Variants in GNG12 observed in about 807,000 individuals in gnomAD.
The protein encoded by GNG12 is guanine nucleotide-binding protein G(I)/G(S)/G(O) subunit gamma-12.
For missense variants in GNG12, 69 were observed against 83.8 expected, an observed-to-expected ratio of 0.82 and a Z score of 0.69; for synonymous variants, 28 against 29.7, an observed-to-expected ratio of 0.94 and a Z score of 0.19.
At chr1:67,819,948 C>T (rs2100820320) in intron 1 of GNG12, among the ~76,000 whole-genome samples, 1 of 152,308 alleles carries the variant, frequency 6.6e-6, no homozygotes, top group South Asian at 2.1e-4. Flanking sequence ...CTCTCTGTCT[C>T]AGTCCCCTGC....
rs1647029754 is a variant in GNG12 at position 67,829,316 on chromosome 1, G to A, written c.-77+4028C>T. On this transcript the variant is annotated intron_variant, in intron 1 of 3. Transcript: ENST00000370982. ...TAAAGTCTCTAATAAAAAAGAAAATGGAATTGAGATTTGGAAGAATTAACT... is the reference window on the plus strand; with the variant it reads ...TAAAGTCTCTAATAAAAAAGAAAATAGAATTGAGATTTGGAAGAATTAACT... Among the ~76,000 whole-genome samples, 4 of 152,104 alleles carry A rather than the reference G, an allele frequency of 2.6e-5. No homozygotes were observed. In the South Asian group the frequency reaches 8.3e-4, roughly 32 times the overall value.
At chr1:67,810,816 G>C (rs1646920416) in intron 1 of GNG12, among the ~76,000 whole-genome samples, 1 of 152,158 alleles carries the variant, frequency 6.6e-6, no homozygotes, top group Admixed American at 6.5e-5. Flanking sequence ...AATGATGACT[G>C]ATGAGTTACT....
chr1:67,721,360 C>G (rs886995677), intron 2 of GNG12, among the ~76,000 whole-genome samples: 4 of 152,194 alleles, frequency 2.6e-5, no homozygotes, highest in Non-Finnish European at 5.9e-5. Context: ...CACCAGCCAG[C>G]AGCATGAGCA....
chr1:67,755,911 C>A (rs1477849608), intron 2 of GNG12, among the ~76,000 whole-genome samples: 2 of 151,990 alleles, frequency 1.3e-5, no homozygotes, highest in Non-Finnish European at 2.9e-5. Context: ...CAGCCTTGAT[C>A]CACCAAGATG....
At chr1:67,808,132 A>G (rs1646903697) in intron 1 of GNG12, among the ~76,000 whole-genome samples, 1 of 152,160 alleles carries the variant, frequency 6.6e-6, no homozygotes, top group Non-Finnish European at 1.5e-5. Flanking sequence ...ACCTCAGGGT[A>G]AGTAAGGCTG....
At chr1:67,800,119 C>T (rs1199817191) in intron 1 of GNG12, among the ~76,000 whole-genome samples, 2 of 152,210 alleles carry the variant, frequency 1.3e-5, no homozygotes, top group African/African-American at 4.8e-5. Context: ...ATTAGTCTCT[C>T]TTGCATTGGA....
At chr1:67,777,427 A>T (rs2100763365) in intron 2 of GNG12, 31 bp downstream of exon 2, 2 of 705,796 alleles carry the variant, frequency 2.8e-6, no homozygotes, top group Non-Finnish European at 3.5e-6. Context: ...AAAGTCAAAC[A>T]GTCACTTTGT....
At chr1:67,789,510 T>TAA (rs1646788916) in intron 1 of GNG12, among the ~76,000 whole-genome samples, 1 of 152,204 alleles carries the variant, frequency 6.6e-6, no homozygotes, top group East Asian at 1.9e-4. Flanking sequence ...TCCGGTTTTA[T>TAA]TGGAGTAGTC....
intron 2 of GNG12, among the ~76,000 whole-genome samples, chr1:67,717,470 T>G (rs1646332562): frequency 6.6e-6 from 1 of 150,466 alleles, no homozygotes; most frequent in Admixed American, 6.6e-5. Context: ...GACCCAAGAT[T>G]GCACCATTGC....
At chr1:67,710,788 C>T (rs760578101) in intron 2 of GNG12, among the ~76,000 whole-genome samples, 26 of 152,142 alleles carry the variant, frequency 1.7e-4, no homozygotes, top group Non-Finnish European at 2.9e-4. Context: ...TCTCCAACCT[C>T]GTTACTCAGA....
chr1:67,806,909 C>T (rs1002549566), intron 1 of GNG12, among the ~76,000 whole-genome samples: 1 of 152,114 alleles, frequency 6.6e-6, no homozygotes, highest in Admixed American at 6.5e-5. Context: ...AACAGTTGAA[C>T]TTAATGGCAC....
intron 2 of GNG12, among the ~76,000 whole-genome samples, chr1:67,712,570 G>A (rs1646301670): frequency 6.6e-6 from 1 of 152,086 alleles, no homozygotes; most frequent in Non-Finnish European, 1.5e-5. Context: ...GCACATATCT[G>A]TAGTCCCAGC....
chr1:67,746,725 T>TAAG (rs2100719845), intron 2 of GNG12, among the ~76,000 whole-genome samples: 1 of 152,346 alleles, frequency 6.6e-6, no homozygotes, highest in Admixed American at 6.5e-5. Context: ...AAATTACGCT[T>TAAG]AAGACCCAGA....
chr1:67,794,219 TCAA>T (rs1270984092), intron 1 of GNG12, among the ~76,000 whole-genome samples: 2 of 152,218 alleles, frequency 1.3e-5, no homozygotes, highest in Non-Finnish European at 2.9e-5. Flanking sequence ...CAGAGAGTCC[TCAA>T]CATCTCCTTG....
intron 1 of GNG12, among the ~76,000 whole-genome samples, chr1:67,779,615 C>T (rs1646725748): frequency 6.6e-6 from 1 of 152,178 alleles, no homozygotes; most frequent in African/African-American, 2.4e-5. Context: ...CAAAAGTCAC[C>T]ACCTCTGGGA....
chr1:67,793,622 A>G (rs754056738), intron 1 of GNG12, among the ~76,000 whole-genome samples: 4 of 151,976 alleles, frequency 2.6e-5, no homozygotes, highest in Non-Finnish European at 4.4e-5. Flanking sequence ...TGCAGTCTGC[A>G]TCCCTCTCGG....
At chr1:67,787,035 AAGTG>A (rs1646774046) in intron 1 of GNG12, among the ~76,000 whole-genome samples, 2 of 36,152 alleles carry the variant, frequency 5.5e-5, no homozygotes, top group African/African-American at 1.9e-4. Context: ...GTATGTGTAT[AAGTG>A]TGTGTGTGTG....
At chr1:67,708,071 G>T (rs909718478) in intron 2 of GNG12, among the ~76,000 whole-genome samples, 1 of 152,192 alleles carries the variant, frequency 6.6e-6, no homozygotes, top group Non-Finnish European at 1.5e-5. Context: ...ATTTGCTATG[G>T]GAGGCATATT....
At position 67,783,344 on chromosome 1, in the gene GNG12, T is replaced by A. The variant is rs1240061714; in HGVS notation, c.-76-5837A>T. ...TTTTCATTCTTTTATCTTATTTCTC[T>A]GGCTTCTCTAAATTCCTAACGGTGA... On this transcript the variant is annotated intron_variant, in intron 1 of 3. Transcript: ENST00000370982. Among the ~76,000 whole-genome samples, 3 of 152,202 alleles carry A rather than the reference T, an allele frequency of 2.0e-5. No individual in the cohort carries two copies. The East Asian group carries it at 5.8e-4, about 29-fold the overall frequency.
Sources: gnomAD v4.1 joint callset for allele counts (sites outside exome capture counted in the v4.1 genomes callset) on GRCh38, gnomAD v4.1.1 for gene constraint, MANE v1.5 for transcripts, NCBI Gene and HGNC (gene_info 2026-07-23, HGNC 2026-07-21) for gene names.